Variants in GOT1L1 observed in about 807,000 individuals in gnomAD.
The protein encoded by GOT1L1 is aspartate aminotransferase, cytoplasmic 2.
In GOT1L1, 38 loss-of-function variants were observed where a neutral mutation model predicts 43.6. The ratio of observed to expected loss-of-function variants is 0.87; its 90% CI spans 0.67 to 1.14. The LOEUF (loss-of-function observed/expected upper bound fraction) is 1.14, where lower values mean the gene tolerates loss of function less well. Ranked by LOEUF, GOT1L1 falls within the 50% of genes most tolerant of loss-of-function variation. The pLI, the probability that GOT1L1 is intolerant of heterozygous loss-of-function variation, is 0.00. For synonymous variants in GOT1L1, 183 were observed against 187.2 expected, an observed-to-expected ratio of 0.98 and a Z score of 0.18; for missense variants, 482 against 504.0, an observed-to-expected ratio of 0.96 and a Z score of 0.42.
At position 37,940,083 on chromosome 8, in the gene GOT1L1, T is replaced by G; in HGVS notation, c.-54A>C. 1.3e-6 allele frequency: 2 copies of G among 1,556,258 alleles called. No individual in the cohort carries two copies. Among genetic ancestry groups the G allele is most frequent in the South Asian group, 2.4e-5 (2 of 83,284 alleles). ...TGTGTCTCTGCTCCTGTGTTCCGCTTCTGCCCAGAAGTCTTCCTCCAAGGC... is the reference window on the plus strand; with the variant it reads ...TGTGTCTCTGCTCCTGTGTTCCGCTGCTGCCCAGAAGTCTTCCTCCAAGGC... On this transcript the variant is annotated 5_prime_UTR_variant, in exon 1 of 9. Coordinates refer to ENST00000307599, the MANE Select transcript of GOT1L1 (RefSeq NM_152413.3).
intron 7 of GOT1L1, 83 bp from the exon 8 acceptor site, chr8:37,935,298 A>G: frequency 7.4e-7 from 1 of 1,345,488 alleles, no homozygotes; most frequent in South Asian, 1.5e-5. Context: ...CACTCTTCTT[A>G]CCTTCAAAGG....
At chr8:37,938,102 A>G (rs1585475826) in intron 2 of GOT1L1, among the ~76,000 whole-genome samples, 2 of 152,186 alleles carry the variant, frequency 1.3e-5, no homozygotes, top group East Asian at 3.9e-4. Context: ...ATAACACTCT[A>G]AAACAGTAAT....
rs373716164 is a variant in GOT1L1 at position 37,938,786 on chromosome 8, A to G, written c.211T>C (p.Leu71=). The change falls in exon 2 of 9, where the codon TTG becomes CTG. Residue 71 remains leucine, a synonymous_variant. Coordinates refer to ENST00000307599, the MANE Select transcript of GOT1L1 (RefSeq NM_152413.3). ...SQDPSLNYEY[L]PTMGLKSFIQ... ...AATGATTTCAGGCCCATGGTGGGCA[A>G]GTACTCATAATTCAGGGAGGGATCC... 4 of 1,612,870 alleles carry G rather than the reference A, an allele frequency of 2.5e-6. No individual in the cohort carries two copies. In the African/African-American group the frequency reaches 5.3e-5, roughly 21 times the overall value.
chr8:37,937,136 C>T (rs1807782278), intron 4 of GOT1L1, 79 bp from the exon 5 acceptor site: 1 of 1,408,280 alleles, frequency 7.1e-7, no homozygotes, highest in South Asian at 1.2e-5. Context: ...GTGAAGTGCT[C>T]CTCCATGTTA....
chr8:37,938,555 AGGACTTGT>A (rs1807828221), intron 2 of GOT1L1, 137 bp downstream of exon 2: 8 of 656,712 alleles, frequency 1.2e-5, no homozygotes, highest in Admixed American at 1.2e-4. Flanking sequence ...TCGATGGCTA[AGGACTTGT>A]GGACTCTCTG....
chr8:37,938,773 C>T lies in GOT1L1; in HGVS notation c.224G>A (p.Gly75Asp). 1.2e-6 allele frequency: 2 copies of T among 1,611,736 alleles called. No individual in the cohort carries two copies. Among genetic ancestry groups the T allele is most frequent in the South Asian group, 1.1e-5 (1 of 90,504 alleles). ...AGAGGCCTGGATGAATGATTTCAGGCCCATGGTGGGCAAGTACTCATAATT... is the reference window on the plus strand; with the variant it reads ...AGAGGCCTGGATGAATGATTTCAGGTCCATGGTGGGCAAGTACTCATAATT... ...SLNYEYLPTM[G>D]LKSFIQASLA... The change falls in exon 2 of 9, where the codon GGC becomes GAC. Residue 75 changes from glycine to aspartate, a missense_variant. By Grantham distance (94) the Gly-to-Asp change is moderately conservative. Transcript: ENST00000307599.
chr8:37,939,640 TGTGGGA>T (rs1405640907), intron 1 of GOT1L1, among the ~76,000 whole-genome samples: 2 of 151,146 alleles, frequency 1.3e-5, no homozygotes, highest in Non-Finnish European at 1.5e-5. Context: ...TCTGAAGAAG[TGTGGGA>T]TGGCCATGCA....
intron 1 of GOT1L1, among the ~76,000 whole-genome samples, chr8:37,939,430 AAATATATAT>A (rs1300010299): frequency 5.0e-5 from 3 of 59,446 alleles, no homozygotes; most frequent in African/African-American, 2.5e-4. Context: ...AAAAAAAAAA[AAATATATAT>A]ATATATATAT....
At chr8:37,936,032 C>T (rs1319117097) in intron 6 of GOT1L1, among the ~76,000 whole-genome samples, 163 bp from the exon 7 acceptor site, 1 of 152,228 alleles carries the variant, frequency 6.6e-6, no homozygotes, top group African/African-American at 2.4e-5. Context: ...TTGCCAGAGG[C>T]TCTCCTTCCA....
intron 1 of GOT1L1, 140 bp downstream of exon 1, chr8:37,939,775 G>T: frequency 1.3e-6 from 1 of 776,458 alleles, no homozygotes; most frequent in Non-Finnish European, 2.0e-6. Context: ...TTCCCCACTG[G>T]GTAATTCTGT....
chr8:37,939,431 A>AAT (rs1188997870), intron 1 of GOT1L1, among the ~76,000 whole-genome samples: 806 of 41,474 alleles, frequency 0.019, 16 homozygotes, highest in Middle Eastern at 0.052. Context: ...AAAAAAAAAA[A>AAT]ATATATATAT....
intron 7 of GOT1L1, 59 bp from the exon 8 acceptor site, chr8:37,935,274 C>T (rs767116285): frequency 6.7e-7 from 1 of 1,482,124 alleles, no homozygotes; most frequent in Admixed American, 2.1e-5. Flanking sequence ...CTCAAACCTC[C>T]CTCATTGCCA....
At position 37,937,748 on chromosome 8, in the gene GOT1L1, A is replaced by T. The variant is rs749410814; in HGVS notation, c.299T>A (p.Val100Glu). The T allele has an allele frequency of 6.8e-6, 11 of 1,607,584 alleles. No homozygotes were observed. The highest frequency in any genetic ancestry group is 9.4e-6 in the Non-Finnish European group (11 of 1,176,248). Residue 100 changes from valine to glutamate, a missense_variant and splice_region_variant, in exon 3 of 9, where the codon GTA (valine) becomes GAA (glutamate). Transcript: ENST00000307599. ...GTCACCAACAGTGTGTACACCCCCTACCTGCCAGCAAGACATAGACACAAA... is the reference window on the plus strand; with the variant it reads ...GTCACCAACAGTGTGTACACCCCCTTCCTGCCAGCAAGACATAGACACAAA... ...KHSQAIVENR[V>E]GGVHTVGDSG...
chr8:37,937,502 G>A, intron 3 of GOT1L1, 116 bp from the exon 4 acceptor site: 1 of 977,450 alleles, frequency 1.0e-6, no homozygotes. Context: ...AACAGGAAAA[G>A]GACATAAATA....
intron 1 of GOT1L1, among the ~76,000 whole-genome samples, 189 bp downstream of exon 1, chr8:37,939,726 G>A (rs112883688): frequency 0.016 from 2,390 of 152,044 alleles, 64 homozygotes; most frequent in African/African-American, 0.054. Flanking sequence ...CCAGAGAAGG[G>A]CAGAGAGCAT....
chr8:37,934,879 A>G, intron 8 of GOT1L1, 194 bp downstream of exon 8: 1 of 634,210 alleles, frequency 1.6e-6, no homozygotes, highest in South Asian at 2.1e-5. Flanking sequence ...CCGGGCACCC[A>G]GGCTGGTTTA....
At chr8:37,939,220 G>T (rs1198000401) in intron 1 of GOT1L1, among the ~76,000 whole-genome samples, 1 of 151,412 alleles carries the variant, frequency 6.6e-6, no homozygotes, top group African/African-American at 2.4e-5. Context: ...TTCAAGATCA[G>T]CCTGGGCAAC....
At chr8:37,936,152 TTTTA>T (rs1227348128) in intron 6 of GOT1L1, among the ~76,000 whole-genome samples, 1 of 152,128 alleles carries the variant, frequency 6.6e-6, no homozygotes, top group Non-Finnish European at 1.5e-5. Flanking sequence ...TTATTTTTAT[TTTTA>T]TTTGTTTAAA....
Position 37,937,658 on chromosome 8 carries a change from T to C in GOT1L1, c.389A>G (p.Tyr130Cys), listed in dbSNP as rs777836667. The change falls in exon 3 of 9, where the codon TAC (tyrosine) becomes TGC (cysteine). Residue 130 changes from tyrosine (Y) to cysteine (C), a missense_variant. Physicochemically the swap from Tyr to Cys is radical, Grantham distance 194. Coordinates refer to ENST00000307599, the MANE Select transcript of GOT1L1 (RefSeq NM_152413.3). Reference protein sequence around the residue: ...RAWHKDARIVYIISSQKELHG... With the variant: ...RAWHKDARIVCIISSQKELHG... ...CTAACCTTTTTGAGAAGAGATGATG[T>C]AAACTATACGAGCATCCTTATGCCA... 3.1e-6 allele frequency: 5 copies of C among 1,610,836 alleles called. No homozygotes were observed. In the South Asian group the frequency reaches 5.5e-5, roughly 18 times the overall value.
Sources: allele counts gnomAD v4.1 joint callset (sites outside exome capture counted in the v4.1 genomes callset), GRCh38; gene constraint gnomAD v4.1.1; transcripts MANE v1.5; gene names NCBI Gene and HGNC (gene_info 2026-07-23, HGNC 2026-07-21).